Variants in IMPG1 observed in about 807,000 individuals in gnomAD.
IMPG1 encodes interphotoreceptor matrix proteoglycan of 150 kDa.
In IMPG1, 85 loss-of-function variants were observed where a neutral mutation model predicts 92.0. The observed-to-expected ratio is 0.92, with a 90% CI of 0.78 to 1.11. IMPG1 has a LOEUF of 1.11. IMPG1 is among the 50% of genes least tolerant of loss of function. The pLI is 0.00. For synonymous variants in IMPG1, 367 were observed against 334.1 expected (o/e 1.10, Z -1.08); for missense variants, 1,022 against 956.0 (o/e 1.07, Z -0.91).
intron 12 of IMPG1, among the ~76,000 whole-genome samples, chr6:75,967,194 T>G (rs1782322213): frequency 6.6e-6 from 1 of 151,918 alleles, no homozygotes; most frequent in Non-Finnish European, 1.5e-5. Context: ...AAAATGGAAT[T>G]TAGAGGCCCA....
chr6:75,967,142 C>T (rs899086755), intron 12 of IMPG1, among the ~76,000 whole-genome samples: 1 of 152,040 alleles, frequency 6.6e-6, no homozygotes, highest in African/African-American at 2.4e-5. Context: ...TGTGCCATTG[C>T]ACTCCAGCCT....
chr6:75,988,621 T>C (rs1782764268), intron 12 of IMPG1, among the ~76,000 whole-genome samples: 1 of 152,234 alleles, frequency 6.6e-6, no homozygotes, highest in Admixed American at 6.5e-5. Flanking sequence ...ATAAGAAAGA[T>C]AGCAGATTAC....
At chr6:76,015,960 G>A (rs1783280245) in intron 7 of IMPG1, among the ~76,000 whole-genome samples, 1 of 152,162 alleles carries the variant, frequency 6.6e-6, no homozygotes. Flanking sequence ...GCCTGGGTTG[G>A]AATCTTGGCT....
chr6:76,067,311 G>A (rs1433375990), intron 1 of IMPG1, among the ~76,000 whole-genome samples: 1 of 151,476 alleles, frequency 6.6e-6, no homozygotes, highest in Non-Finnish European at 1.5e-5. Context: ...CAAGAAAAAA[G>A]CAAGAAAATT....
At position 75,950,859 on chromosome 6, in the gene IMPG1, A is replaced by G. The variant is rs761005700; in HGVS notation, c.1527T>C (p.Ser509=). The part of the protein sequence containing the change: ...PPASSDDSRS[S]AGGEDMVRHL... ...GTCTGACCATATCTTCGCCACCTGC[A>G]CTTGATCGGCTGTCATCTGAAGATG... Residue 509 remains serine (S), a synonymous_variant, in exon 13 of 17, where the codon AGT becomes AGC. Transcript: ENST00000369950. The G allele has an allele frequency of 6.8e-6, 11 of 1,613,960 alleles. No individual in the cohort carries two copies. The highest frequency in any genetic ancestry group is 6.7e-5 in the Admixed American group (4 of 59,944).
intron 12 of IMPG1, among the ~76,000 whole-genome samples, chr6:75,974,330 CCTTTCTTTCTTTCTTT>C (rs558072098): frequency 0.014 from 1,342 of 98,260 alleles, 21 homozygotes; most frequent in Middle Eastern, 0.032. Context: ...TCTTTCTTTC[CCTTTCTTTCTTTCTTT>C]CTTTCTTTCT....
chr6:75,986,691 A>G (rs1299904443), intron 12 of IMPG1, among the ~76,000 whole-genome samples: 2 of 152,196 alleles, frequency 1.3e-5, no homozygotes, highest in Non-Finnish European at 2.9e-5. Flanking sequence ...AAAGTGTCAA[A>G]TTGGATCTCT....
chr6:76,026,583 AT>A (rs1205239401), intron 4 of IMPG1, among the ~76,000 whole-genome samples: 1 of 152,230 alleles, frequency 6.6e-6, no homozygotes, highest in Non-Finnish European at 1.5e-5. Context: ...CCAGCTATGC[AT>A]CACCACAGCA....
chr6:75,933,469 A>G (rs1482210818), intron 14 of IMPG1, among the ~76,000 whole-genome samples: 1 of 152,202 alleles, frequency 6.6e-6, no homozygotes, highest in East Asian at 1.9e-4. Flanking sequence ...TGCTGGCAAA[A>G]TGACTTAGCT....
Position 76,018,866 on chromosome 6 carries a change from TAAA to T in IMPG1, c.667-11_667-9del, listed in dbSNP as rs377755519. ...GAATTCTGTTTCTCTTTCCTGAGTT[TAAA>T]AAAAAAAAAAAGGACTTCTGTTAAC... On this transcript the variant is annotated splice_polypyrimidine_tract_variant and intron_variant, in intron 6 of 16. Transcript: ENST00000369950. 8.4e-4 allele frequency: 1,221 copies of T among 1,456,126 alleles called. No homozygotes were observed. Among genetic ancestry groups the T allele is most frequent in the South Asian group, 2.5e-3 (192 of 77,320 alleles). 90.2% of individuals were successfully genotyped at this position (1,456,126 alleles called of 1,614,324 possible). A position where few individuals can be genotyped will look rare whatever the true frequency, so the allele number is the denominator to read the frequency against.
chr6:76,037,193 T>C (rs1783755897), intron 2 of IMPG1, among the ~76,000 whole-genome samples: 1 of 152,236 alleles, frequency 6.6e-6, no homozygotes. Context: ...CTATATGTTA[T>C]TCCTTCCTCC....
chr6:75,959,906 T>C (rs1460625384), intron 12 of IMPG1, among the ~76,000 whole-genome samples: 2 of 152,044 alleles, frequency 1.3e-5, no homozygotes, highest in Non-Finnish European at 2.9e-5. Flanking sequence ...AGGCAACACT[T>C]TGGTATGAAA....
chr6:75,973,221 C>G (rs1782451244), intron 12 of IMPG1, among the ~76,000 whole-genome samples: 1 of 152,192 alleles, frequency 6.6e-6, no homozygotes, highest in African/African-American at 2.4e-5. Context: ...CTCAAGTGAT[C>G]CTTCCACTTC....
chr6:75,954,059 G>GT (rs1782078441), intron 12 of IMPG1, among the ~76,000 whole-genome samples: 1 of 152,078 alleles, frequency 6.6e-6, no homozygotes, highest in African/African-American at 2.4e-5. Context: ...TGTGAACATT[G>GT]CCACAATAAA....
intron 1 of IMPG1, among the ~76,000 whole-genome samples, chr6:76,061,976 C>T (rs1025197040): frequency 2.0e-5 from 3 of 152,158 alleles, no homozygotes; most frequent in Non-Finnish European, 2.9e-5. Flanking sequence ...TGAAAAACTA[C>T]ATTCAGAATC....
intron 12 of IMPG1, among the ~76,000 whole-genome samples, chr6:75,979,676 T>C (rs146413477): frequency 7.2e-5 from 11 of 152,356 alleles, no homozygotes; most frequent in African/African-American, 2.6e-4. Context: ...AGTCCAGATA[T>C]TCATTTTTGC....
intron 1 of IMPG1, among the ~76,000 whole-genome samples, chr6:76,063,866 C>A (rs558941976): frequency 6.6e-6 from 1 of 152,312 alleles, no homozygotes; most frequent in Non-Finnish European, 1.5e-5. Flanking sequence ...CCCCTTTGCA[C>A]AAAGGAACCC....
chr6:75,976,674 G>A (rs1045376501), intron 12 of IMPG1, among the ~76,000 whole-genome samples: 1 of 152,204 alleles, frequency 6.6e-6, no homozygotes, highest in Admixed American at 6.5e-5. Flanking sequence ...CACTTTGGGA[G>A]GCTGAGGCGG....
At chr6:76,053,521 G>T (rs1256621528) in intron 1 of IMPG1, among the ~76,000 whole-genome samples, 1 of 152,144 alleles carries the variant, frequency 6.6e-6, no homozygotes, top group Non-Finnish European at 1.5e-5. Context: ...GAAATATTAG[G>T]GGAAAGGAAT....
Sources: gnomAD v4.1 joint callset for allele counts (sites outside exome capture counted in the v4.1 genomes callset) on GRCh38, gnomAD v4.1.1 for gene constraint, MANE v1.5 for transcripts, NCBI Gene and HGNC (gene_info 2026-07-23, HGNC 2026-07-21) for gene names.